The following CSMD3 variants were observed in gnomAD, a reference collection of about 807,000 sequenced individuals.
CSMD3 encodes CUB and Sushi multiple domains 3, also known as CUB and sushi domain-containing protein 3.
A neutral mutation model predicts 435.2 loss-of-function variants in CSMD3; 177 were observed. That is an observed-to-expected ratio of 0.41 (90% CI 0.36 to 0.46). The LOEUF is 0.46. CSMD3 is among the 20% of genes least tolerant of loss of function. The pLI, the probability that CSMD3 is intolerant of heterozygous loss-of-function variation, is 0.34. For synonymous variants in CSMD3, 1,656 were observed against 1,520.5 expected (o/e 1.09, Z -2.07); for missense variants, 4,265 against 4,504.6 (o/e 0.95, Z 1.52).
At chr8:112,307,772 C>T (rs891315610) in intron 50 of CSMD3, among the ~76,000 whole-genome samples, 8 of 152,084 alleles carry the variant, frequency 5.3e-5, no homozygotes, top group African/African-American at 1.2e-4. Flanking sequence ...CTAGCTTACA[C>T]GTTTCATACA....
At chr8:112,302,936 A>AT (rs1214233609) in intron 52 of CSMD3, among the ~76,000 whole-genome samples, 1 of 151,530 alleles carries the variant, frequency 6.6e-6, no homozygotes, top group Non-Finnish European at 1.5e-5. Flanking sequence ...AAAAAATACT[A>AT]TTTTTTTCTT....
chr8:112,744,180 GTC>G (rs1253723052), intron 13 of CSMD3, among the ~76,000 whole-genome samples: 1 of 152,054 alleles, frequency 6.6e-6, no homozygotes, highest in Admixed American at 6.6e-5. Flanking sequence ...AGCAAGCTCT[GTC>G]TCTGTTATAT....
rs231314 is a variant in CSMD3, at chr8:112,841,931, C to T, written c.1756-12142G>A. On this transcript the variant is annotated intron_variant, in intron 11 of 70. Coordinates refer to ENST00000297405, the MANE Select transcript of CSMD3 (RefSeq NM_198123.2). ...TAATACTGAGCAAAGGAATTACACA[C>T]ATTTTTACACTTTGATATGTACATT... is the stretch of plus-strand genomic sequence containing the variant. Among the ~76,000 whole-genome samples the T allele has an allele frequency of 2.6e-3, 397 of 151,718 alleles. 4 individuals are homozygous for T. Among genetic ancestry groups the T allele is most frequent in the African/African-American group, 9.1e-3 (376 of 41,476 alleles).
At chr8:113,142,266 CTT>C (rs1225119641) in intron 4 of CSMD3, among the ~76,000 whole-genome samples, 11 of 151,096 alleles carry the variant, frequency 7.3e-5, no homozygotes, top group South Asian at 2.1e-4. Flanking sequence ...CATAGACAAA[CTT>C]AATCTAAAAT....
chr8:113,244,045 T>G (rs2093249806), intron 3 of CSMD3, among the ~76,000 whole-genome samples: 1 of 152,204 alleles, frequency 6.6e-6, no homozygotes, highest in African/African-American at 2.4e-5. Context: ...TGTATCTATC[T>G]TTCAAATTAT....
rs1217199252 is a variant in CSMD3 at position 112,231,545 on chromosome 8, C to G, written c.10828G>C (p.Gly3610Arg). ...DYGQFGLQRL[G>R]LNMSEGSNSS... ...GTGAAAATCAAAATGAATACATTAC[C>G]CAGTCTTTGTAGGCCAAATTGTCCA... is the stretch of plus-strand genomic sequence containing the variant. The change falls in exon 69 of 71, where the codon GGA (glycine) becomes CGA (arginine). Residue 3610 changes from glycine (G) to arginine (R), a missense_variant and splice_region_variant. Transcript: ENST00000297405. 1 of 1,568,826 alleles carries G rather than the reference C, an allele frequency of 6.4e-7. No homozygotes were observed. The highest frequency in any genetic ancestry group is 8.8e-7 in the Non-Finnish European group (1 of 1,138,944).
rs1465647211 is a variant in CSMD3 at position 112,503,989 on chromosome 8, A to G, written c.4896-12T>C. 6.5e-7 allele frequency: 1 copy of G among 1,527,922 alleles called. No homozygotes were observed. The highest frequency in any genetic ancestry group is 9.0e-7 in the Non-Finnish European group (1 of 1,106,448). 94.6% of individuals were successfully genotyped at this position (1,527,922 alleles called of 1,614,324 possible). On this transcript the variant is annotated splice_polypyrimidine_tract_variant and intron_variant, in intron 29 of 70. Transcript: ENST00000297405. ...GTTCTATGCTAAAACTGAAAAAAAA[A>G]AGGAAAGAACAAAAGAAAGAAAGAG...
chr8:112,705,981 T>C (rs895702389), intron 13 of CSMD3, among the ~76,000 whole-genome samples: 6 of 152,066 alleles, frequency 3.9e-5, no homozygotes, highest in African/African-American at 1.4e-4. Flanking sequence ...CTTAAAGTTC[T>C]TCAAAGGAAC....
At chr8:112,459,380 T>G (rs1817209845) in intron 32 of CSMD3, among the ~76,000 whole-genome samples, 2 of 150,874 alleles carry the variant, frequency 1.3e-5, no homozygotes, top group African/African-American at 4.9e-5. Flanking sequence ...GTTTATTCAA[T>G]TATGTTTACA....
intron 10 of CSMD3, among the ~76,000 whole-genome samples, chr8:112,876,967 GACAA>G (rs1375723642): frequency 6.6e-6 from 1 of 152,012 alleles, no homozygotes; most frequent in East Asian, 1.9e-4. Context: ...ACCAACAATA[GACAA>G]ACAGAGAGCC....
chr8:112,973,855 T>A (rs570036060), intron 7 of CSMD3, among the ~76,000 whole-genome samples: 1 of 152,036 alleles, frequency 6.6e-6, no homozygotes, highest in African/African-American at 2.4e-5. Flanking sequence ...CAATTTGAAT[T>A]AAAGTAGAAA....
At chr8:113,143,520 C>A (rs550355515) in intron 4 of CSMD3, among the ~76,000 whole-genome samples, 208 of 151,470 alleles carry the variant, frequency 1.4e-3, no homozygotes, top group African/African-American at 4.9e-3. Flanking sequence ...ACCTCATATA[C>A]CCAATAGCCA....
At chr8:113,081,021 A>G (rs531394409) in intron 5 of CSMD3, among the ~76,000 whole-genome samples, 8 of 152,284 alleles carry the variant, frequency 5.3e-5, no homozygotes, top group African/African-American at 1.7e-4. Flanking sequence ...TAACAACATC[A>G]TATTTTAATT....
chr8:112,550,648 A>G, intron 27 of CSMD3, 23 bp downstream of exon 27: 1 of 1,381,380 alleles, frequency 7.2e-7, no homozygotes. Context: ...TTTGCATTGA[A>G]GAAATTTTTT....
chr8:113,030,471 A>T (rs1374466881), intron 5 of CSMD3, among the ~76,000 whole-genome samples: 1 of 150,370 alleles, frequency 6.7e-6, no homozygotes, highest in Non-Finnish European at 1.5e-5. Flanking sequence ...CAATGGAACA[A>T]AATAGAGGAT....
chr8:113,282,326 C>T (rs977533276), intron 2 of CSMD3, among the ~76,000 whole-genome samples: 5 of 151,838 alleles, frequency 3.3e-5, no homozygotes, highest in African/African-American at 1.2e-4. Context: ...CCTTGAAAAC[C>T]CTAAGGACTC....
intron 28 of CSMD3, 79 bp from the exon 29 acceptor site, chr8:112,506,908 C>G (rs1331309198): frequency 3.9e-6 from 5 of 1,292,656 alleles, no homozygotes; most frequent in South Asian, 1.3e-5. Context: ...GAAATCACGT[C>G]TCTAAAAGAG....
intron 3 of CSMD3, among the ~76,000 whole-genome samples, chr8:113,212,283 A>G (rs983610064): frequency 3.9e-5 from 6 of 152,168 alleles, no homozygotes; most frequent in Admixed American, 1.3e-4. Flanking sequence ...GGTGAGGATA[A>G]CCATATTCAC....
At chr8:112,400,812 A>G (rs937765940) in intron 35 of CSMD3, among the ~76,000 whole-genome samples, 1 of 152,140 alleles carries the variant, frequency 6.6e-6, no homozygotes, top group Admixed American at 6.5e-5. Flanking sequence ...AAATGCTGGG[A>G]TTAATCAATT....
Sources: allele counts gnomAD v4.1 joint callset (sites outside exome capture counted in the v4.1 genomes callset), GRCh38; gene constraint gnomAD v4.1.1; transcripts MANE v1.5; gene names NCBI Gene and HGNC (gene_info 2026-07-23, HGNC 2026-07-21).